The following LMCD1 variants were observed in gnomAD, a reference collection of about 807,000 sequenced individuals.
LMCD1 encodes LIM and cysteine rich domains 1.
A neutral mutation model predicts 42.7 loss-of-function variants in LMCD1; 32 were observed. That is an observed-to-expected ratio of 0.75 (90% confidence interval 0.57 to 1.01). LMCD1 has a LOEUF of 1.01. LMCD1 is among the 50% of genes least tolerant of loss of function. LMCD1 has a pLI of 0.00. For synonymous variants in LMCD1, 178 were observed against 184.9 expected (o/e 0.96, Z 0.30); for missense variants, 458 against 483.1 (o/e 0.95, Z 0.49).
chr3:8,559,924 G>A (rs1261824107), intron 4 of LMCD1, among the ~76,000 whole-genome samples: 1 of 152,216 alleles, frequency 6.6e-6, no homozygotes, highest in Non-Finnish European at 1.5e-5. Context: ...CAAGAGCCAG[G>A]GATGCTAGGG....
intron 1 of LMCD1, among the ~76,000 whole-genome samples, chr3:8,519,317 A>T (rs981497564): frequency 1.3e-5 from 2 of 152,110 alleles, no homozygotes; most frequent in Non-Finnish European, 2.9e-5. Flanking sequence ...AACAGAAGGA[A>T]CTGTATGTGG....
At chr3:8,525,076 A>T (rs987505337) in intron 1 of LMCD1, among the ~76,000 whole-genome samples, 1 of 152,202 alleles carries the variant, frequency 6.6e-6, no homozygotes, top group Non-Finnish European at 1.5e-5. Flanking sequence ...CCTGTTAGCA[A>T]ATTTCAAGTA....
intron 1 of LMCD1, among the ~76,000 whole-genome samples, chr3:8,505,609 A>C (rs1415003697): frequency 2.6e-5 from 4 of 152,272 alleles, no homozygotes; most frequent in Non-Finnish European, 5.9e-5. Flanking sequence ...TTGACTGTGC[A>C]GTCACCAGTG....
chr3:8,526,653 A>T (rs1316055007), intron 1 of LMCD1, among the ~76,000 whole-genome samples: 5 of 152,182 alleles, frequency 3.3e-5, no homozygotes, highest in African/African-American at 1.2e-4. Context: ...GTCTGGGGTG[A>T]GGCTTGAGAA....
At position 8,565,602 on chromosome 3, in the gene LMCD1, C is replaced by T; in HGVS notation, c.894C>T (p.Arg298=). Residue 298 remains arginine (R), a synonymous_variant, in exon 5 of 6, where the codon CGC becomes CGT. Coordinates refer to ENST00000157600, the MANE Select transcript of LMCD1 (RefSeq NM_014583.4). The part of the protein sequence containing the change: ...FWKDGAPWCG[R]HYCESLRPRC... The stretch of plus-strand genomic sequence containing the variant: ...AGGATGGTGCACCCTGGTGCGGCCG[C>T]CATTACTGCGAGAGTCTGCGGCCCC... 3.7e-6 allele frequency: 6 copies of T among 1,612,440 alleles called. No individual in the cohort carries two copies. Among genetic ancestry groups the T allele is most frequent in the Non-Finnish European group, 4.2e-6 (5 of 1,179,430 alleles).
At chr3:8,508,873 G>A (rs749236993) in intron 1 of LMCD1, among the ~76,000 whole-genome samples, 37 of 152,246 alleles carry the variant, frequency 2.4e-4, no homozygotes, top group Non-Finnish European at 4.7e-4. Context: ...AGTTCAGGTG[G>A]ACATTTTGGC....
intron 4 of LMCD1, among the ~76,000 whole-genome samples, chr3:8,559,201 C>A (rs1411564600): frequency 5.3e-5 from 8 of 152,168 alleles, no homozygotes; most frequent in Non-Finnish European, 1.2e-4. Flanking sequence ...GCAGGAATGA[C>A]TTCCTGCTAG....
intron 4 of LMCD1, among the ~76,000 whole-genome samples, chr3:8,549,650 C>G (rs928149878): frequency 6.6e-6 from 1 of 152,174 alleles, no homozygotes; most frequent in Non-Finnish European, 1.5e-5. Flanking sequence ...TGTCTTAGTA[C>G]ATTTTCTGTT....
intron 1 of LMCD1, among the ~76,000 whole-genome samples, chr3:8,525,138 G>A (rs1244822800): frequency 1.3e-5 from 2 of 152,162 alleles, no homozygotes; most frequent in East Asian, 3.8e-4. Flanking sequence ...TAGATCTCCA[G>A]AACTTACTCA....
intron 3 of LMCD1, among the ~76,000 whole-genome samples, chr3:8,542,619 T>C (rs990524829): frequency 1.2e-4 from 19 of 152,164 alleles, no homozygotes; most frequent in African/African-American, 4.1e-4. Flanking sequence ...GCCCGCTCAC[T>C]CTGAAATGAT....
chr3:8,545,290 C>CCA (rs1421242690), intron 3 of LMCD1, among the ~76,000 whole-genome samples: 1 of 151,962 alleles, frequency 6.6e-6, no homozygotes, highest in Non-Finnish European at 1.5e-5. Flanking sequence ...TTGAGAGAAA[C>CCA]AAAATTCATG....
intron 1 of LMCD1, 22 bp downstream of exon 1, chr3:8,502,002 T>A: frequency 6.4e-7 from 1 of 1,552,830 alleles, no homozygotes; most frequent in Non-Finnish European, 8.6e-7. Context: ...GCTGTTTGTA[T>A]TTACCCAGAT....
At chr3:8,531,491 A>G (rs560138924) in intron 1 of LMCD1, among the ~76,000 whole-genome samples, 16 of 152,286 alleles carry the variant, frequency 1.1e-4, no homozygotes, top group Admixed American at 5.9e-4. Flanking sequence ...ACGTTACTAT[A>G]TTATCTCGGT....
intron 1 of LMCD1, among the ~76,000 whole-genome samples, chr3:8,520,029 A>G (rs936680528): frequency 6.6e-6 from 1 of 152,174 alleles, no homozygotes; most frequent in African/African-American, 2.4e-5. Context: ...GCAAAGCCTT[A>G]AGACTTTTAA....
Position 8,523,657 on chromosome 3 carries a change from C to T in LMCD1, c.43-9080C>T, listed in dbSNP as rs80352032. On this transcript the variant is annotated intron_variant, in intron 1 of 5. Coordinates refer to ENST00000157600, the MANE Select transcript of LMCD1 (RefSeq NM_014583.4). The stretch of plus-strand genomic sequence containing the variant: ...AAGCCAAAGGATAAACATGGAGCAG[C>T]GGTTCTGCTTTAAGATTGGAGGGAG... 3.8e-3 allele frequency among the ~76,000 whole-genome samples: 580 copies of T among 152,306 alleles called. 7 individuals are homozygous for T. Among genetic ancestry groups the T allele is most frequent in the African/African-American group, 0.012 (488 of 41,568 alleles).
intron 2 of LMCD1, among the ~76,000 whole-genome samples, chr3:8,536,609 G>A (rs542358303): frequency 2.9e-4 from 44 of 152,308 alleles, no homozygotes; most frequent in South Asian, 1.5e-3. Flanking sequence ...CTGAAGCTCC[G>A]AGGCTATGAT....
intron 4 of LMCD1, among the ~76,000 whole-genome samples, chr3:8,562,141 C>G (rs1027501169): frequency 2.6e-5 from 4 of 152,156 alleles, no homozygotes; most frequent in Non-Finnish European, 2.9e-5. Flanking sequence ...CTAACTGAAG[C>G]TGAGGAACAA....
intron 1 of LMCD1, among the ~76,000 whole-genome samples, chr3:8,502,221 A>G (rs1359891461): frequency 8.0e-6 from 1 of 125,510 alleles, no homozygotes; most frequent in African/African-American, 3.0e-5. Context: ...TTAAAGTTTA[A>G]TTAAGGTTTT....
At chr3:8,564,943 G>A (rs776142942) in intron 4 of LMCD1, among the ~76,000 whole-genome samples, 7 of 152,150 alleles carry the variant, frequency 4.6e-5, no homozygotes, top group Non-Finnish European at 8.8e-5. Flanking sequence ...GAAGAGATTT[G>A]CAGATATATA....
Sources: allele counts gnomAD v4.1 joint callset (sites outside exome capture counted in the v4.1 genomes callset), GRCh38; gene constraint gnomAD v4.1.1; transcripts MANE v1.5; gene names NCBI Gene and HGNC (gene_info 2026-07-23, HGNC 2026-07-21).